The following NRG3 variants were observed in gnomAD, a reference collection of about 807,000 sequenced individuals.
NRG3 encodes the protein pro-neuregulin-3, membrane-bound isoform.
A neutral mutation model predicts 66.9 loss-of-function variants in NRG3; 31 were observed. The ratio of observed to expected loss-of-function variants is 0.46; its 90% CI spans 0.35 to 0.63. NRG3 has a LOEUF of 0.63. Ranked by LOEUF, NRG3 falls within the 20% of genes least tolerant of loss-of-function variation. The pLI, the probability that NRG3 is intolerant of heterozygous loss-of-function variation, is 0.00. For synonymous variants in NRG3, 393 were observed against 359.4 expected (o/e 1.09, Z -1.06); for missense variants, 910 against 878.9 (o/e 1.04, Z -0.45).
At chr10:81,944,440 T>C (rs1029354380) in intron 1 of NRG3, among the ~76,000 whole-genome samples, 1 of 152,230 alleles carries the variant, frequency 6.6e-6, no homozygotes, top group Non-Finnish European at 1.5e-5. Flanking sequence ...AAAGAAAACT[T>C]AATTTGATTT....
intron 1 of NRG3, among the ~76,000 whole-genome samples, chr10:81,958,580 G>A (rs963226182): frequency 2.0e-5 from 3 of 152,122 alleles, no homozygotes; most frequent in South Asian, 2.1e-4. Context: ...ACTCATATGC[G>A]TAAAGTACAG....
intron 2 of NRG3, among the ~76,000 whole-genome samples, chr10:82,421,457 C>A (rs1284866874): frequency 6.6e-6 from 1 of 151,806 alleles, no homozygotes; most frequent in East Asian, 1.9e-4. Context: ...TAGCATGACA[C>A]ATGGAAGCTT....
intron 2 of NRG3, among the ~76,000 whole-genome samples, chr10:82,592,649 T>C (rs987343128): frequency 1.3e-5 from 2 of 152,170 alleles, no homozygotes; most frequent in African/African-American, 4.8e-5. Flanking sequence ...AAGACTAGAA[T>C]GCCCACATTC....
chr10:82,427,999 G>T (rs1215272865), intron 2 of NRG3, among the ~76,000 whole-genome samples: 1 of 151,842 alleles, frequency 6.6e-6, no homozygotes, highest in Non-Finnish European at 1.5e-5. Flanking sequence ...AACAACAGTT[G>T]TTCATAGCAT....
At chr10:82,083,595 ATTTTTTTTTTTT>A (rs35927277) in intron 1 of NRG3, among the ~76,000 whole-genome samples, 1 of 115,372 alleles carries the variant, frequency 8.7e-6, no homozygotes, top group Non-Finnish European at 1.9e-5. Context: ...CCATTTGTTA[ATTTTTTTTTTTT>A]TTTTTTTGAG....
intron 1 of NRG3, among the ~76,000 whole-genome samples, chr10:82,256,943 C>A (rs1354928677): frequency 6.6e-6 from 1 of 152,134 alleles, no homozygotes; most frequent in African/African-American, 2.4e-5. Context: ...CCAGATAAAT[C>A]AGAGGTCATG....
intron 3 of NRG3, among the ~76,000 whole-genome samples, chr10:82,819,807 T>C (rs2061867853): frequency 6.6e-6 from 1 of 152,078 alleles, no homozygotes; most frequent in Non-Finnish European, 1.5e-5. Flanking sequence ...TCCAGTACAA[T>C]GGAAAGAGTT....
intron 2 of NRG3, among the ~76,000 whole-genome samples, chr10:82,734,303 A>G (rs962106484): frequency 6.6e-6 from 1 of 152,170 alleles, no homozygotes; most frequent in Admixed American, 6.5e-5. Context: ...GGTGGGATGG[A>G]TCAGGGAAAA....
chr10:82,231,485 A>G (rs529692704), intron 1 of NRG3, among the ~76,000 whole-genome samples: 5 of 150,192 alleles, frequency 3.3e-5, no homozygotes, highest in Admixed American at 3.3e-4. Flanking sequence ...TATTGAAAAA[A>G]AAAACCTAGT....
At chr10:82,407,965 A>T (rs565069086) in intron 2 of NRG3, among the ~76,000 whole-genome samples, 1 of 150,722 alleles carries the variant, frequency 6.6e-6, no homozygotes, top group South Asian at 2.1e-4. Context: ...GCTACTCAGG[A>T]GGCTGAGGCA....
At chr10:82,113,727 C>G (rs547041359) in intron 1 of NRG3, among the ~76,000 whole-genome samples, 1 of 152,142 alleles carries the variant, frequency 6.6e-6, no homozygotes, top group East Asian at 1.9e-4. Context: ...GATAATTGCA[C>G]TAGGTAAGAT....
intron 1 of NRG3, among the ~76,000 whole-genome samples, chr10:82,163,620 A>AG (rs1342068547): frequency 6.6e-6 from 1 of 152,160 alleles, no homozygotes; most frequent in Non-Finnish European, 1.5e-5. Flanking sequence ...AAGGCTGGCA[A>AG]GAGAGTTCTG....
intron 4 of NRG3, among the ~76,000 whole-genome samples, chr10:82,937,430 C>G (rs1375958500): frequency 1.3e-5 from 2 of 152,192 alleles, no homozygotes; most frequent in East Asian, 3.9e-4. Flanking sequence ...GGGAACAGAT[C>G]TGTGCTTTCC....
chr10:82,866,293 G>A (rs1451878022), intron 4 of NRG3, among the ~76,000 whole-genome samples: 1 of 152,080 alleles, frequency 6.6e-6, no homozygotes, highest in Non-Finnish European at 1.5e-5. Context: ...ATACATGAAT[G>A]TTTATTGTGA....
At chr10:82,231,997 C>T (rs1342022951) in intron 1 of NRG3, among the ~76,000 whole-genome samples, 4 of 152,152 alleles carry the variant, frequency 2.6e-5, no homozygotes, top group African/African-American at 9.7e-5. Flanking sequence ...CCTACATGAA[C>T]TGAAACTCTA....
At chr10:81,930,734 TCG>T (rs2132983642) in intron 1 of NRG3, among the ~76,000 whole-genome samples, 1 of 152,194 alleles carries the variant, frequency 6.6e-6, no homozygotes, top group South Asian at 2.1e-4. Context: ...AGGTGCATCA[TCG>T]CATGTAGAGG....
intron 1 of NRG3, among the ~76,000 whole-genome samples, chr10:82,057,499 A>G (rs1166073340): frequency 6.6e-6 from 1 of 152,010 alleles, no homozygotes; most frequent in Non-Finnish European, 1.5e-5. Context: ...TTGATCTTTG[A>G]TCCTTTGAAA....
intron 1 of NRG3, among the ~76,000 whole-genome samples, chr10:82,073,023 C>G (rs1243629062): frequency 1.3e-5 from 2 of 151,990 alleles, no homozygotes; most frequent in Non-Finnish European, 2.9e-5. Context: ...GATACACTCA[C>G]TTTGTCCTCC....
chr10:82,840,023 T>C (rs184638646), intron 3 of NRG3, among the ~76,000 whole-genome samples: 2 of 152,310 alleles, frequency 1.3e-5, no homozygotes, highest in East Asian at 3.9e-4. Context: ...TCATTATCTA[T>C]AACATATATA....
Sources: allele counts gnomAD v4.1 joint callset (sites outside exome capture counted in the v4.1 genomes callset), GRCh38; gene constraint gnomAD v4.1.1; transcripts MANE v1.5; gene names NCBI Gene and HGNC (gene_info 2026-07-23, HGNC 2026-07-21).